The following RORB variants were observed in gnomAD, a reference collection of about 807,000 sequenced individuals.
RORB encodes the protein RAR related orphan receptor B, also known as nuclear receptor ROR-beta.
RORB carries 6 observed loss-of-function variants against 59.1 expected under a neutral mutation model. The ratio of observed to expected loss-of-function variants is 0.10; its 90% confidence interval spans 0.06 to 0.20. RORB has a LOEUF of 0.20. Among genes scored for constraint, RORB ranks in the 10% least tolerant of loss-of-function variants. The probability of loss-of-function intolerance (pLI) is 1.00; values close to 1 mark genes in which losing one functional copy is unlikely to be tolerated. For synonymous variants in RORB, 215 were observed against 204.5 expected (o/e 1.05, Z -0.44); for missense variants, 320 against 560.5 (o/e 0.57, Z 4.33).
chr9:74,530,658 T>C (rs914053485), intron 1 of RORB, among the ~76,000 whole-genome samples: 2 of 152,042 alleles, frequency 1.3e-5, no homozygotes, highest in Non-Finnish European at 2.9e-5. Context: ...TTCCACGCTG[T>C]CCTCAAGGTG....
chr9:74,515,833 TG>T (rs1826001949), intron 1 of RORB, among the ~76,000 whole-genome samples: 1 of 152,078 alleles, frequency 6.6e-6, no homozygotes, highest in Non-Finnish European at 1.5e-5. Flanking sequence ...AAGAACTCTG[TG>T]AGAAGTCACT....
rs772190881 is a variant in RORB, at chr9:74,642,507, A to G, written c.329A>G (p.Gln110Arg). The G allele has an allele frequency of 7.9e-5, 127 of 1,614,254 alleles. No individual in the cohort carries two copies. Among genetic ancestry groups the G allele is most frequent in the Middle Eastern group, 1.6e-4 (1 of 6,062 alleles). The change falls in exon 4 of 10, where the codon CAG (glutamine) becomes CGG (arginine). Residue 110 changes from glutamine (Q) to arginine (R), a missense_variant. Around this residue, in one of 4 missense-constraint regions of RORB, gnomAD observed 134 missense variants for 156.2 expected, o/e 0.86. Coordinates refer to ENST00000376896, the MANE Select transcript of RORB (RefSeq NM_006914.4). ...CAGCGGCTGCAGGAACAGCGGCAGC[A>G]GCAGAGTGGGGAGGCAGAAGCCCTT... Reference protein sequence around the residue: ...HQQRLQEQRQQQSGEAEALAR... With the variant: ...HQQRLQEQRQRQSGEAEALAR...
At chr9:74,631,817 T>C (rs1823623568) in intron 2 of RORB, among the ~76,000 whole-genome samples, 1 of 152,160 alleles carries the variant, frequency 6.6e-6, no homozygotes, top group South Asian at 2.1e-4. Flanking sequence ...TTAATGCAAT[T>C]TTTCAACTCA....
intron 1 of RORB, among the ~76,000 whole-genome samples, chr9:74,540,930 G>A (rs530671702): frequency 2.6e-5 from 4 of 152,046 alleles, no homozygotes; most frequent in Non-Finnish European, 5.9e-5. Context: ...TGTAGTGTTT[G>A]TATCGTGTTG....
chr9:74,581,971 G>T (rs1822731769), intron 1 of RORB, among the ~76,000 whole-genome samples: 1 of 152,132 alleles, frequency 6.6e-6, no homozygotes, highest in African/African-American at 2.4e-5. Context: ...TACTCATGAA[G>T]TGAAATGAAG....
rs1273838645 is a variant in RORB, at chr9:74,638,008, T to A, written c.235+3236T>A. 2.2e-4 allele frequency among the ~76,000 whole-genome samples: 34 copies of A among 152,070 alleles called. 1 individual carries two copies. Among genetic ancestry groups the A allele is most frequent in the Admixed American group, 2.2e-3 (34 of 15,258 alleles). ...AAATAATGAATAGGCTTGGGTAGATTGAATCAGACTTCTAATACAAAGCCT... is the reference window on the plus strand; with the variant it reads ...AAATAATGAATAGGCTTGGGTAGATAGAATCAGACTTCTAATACAAAGCCT... On this transcript the variant is annotated intron_variant, in intron 3 of 9. Transcript: ENST00000376896.
intron 5 of RORB, among the ~76,000 whole-genome samples, chr9:74,662,111 A>G (rs1824194657): frequency 6.6e-6 from 1 of 152,280 alleles, no homozygotes; most frequent in East Asian, 1.9e-4. Flanking sequence ...TTTTATATTA[A>G]TAGTATGTGA....
chr9:74,557,895 G>A (rs531735653), intron 1 of RORB, among the ~76,000 whole-genome samples: 8 of 152,064 alleles, frequency 5.3e-5, no homozygotes, highest in Admixed American at 2.0e-4. Flanking sequence ...GCTCTTATGA[G>A]GCACATTTAT....
chr9:74,603,505 C>T (rs766967064), intron 1 of RORB, among the ~76,000 whole-genome samples: 3 of 152,216 alleles, frequency 2.0e-5, no homozygotes, highest in African/African-American at 2.4e-5. Flanking sequence ...CTGGTGTTTC[C>T]CAAAGATTCA....
intron 9 of RORB, 89 bp from the exon 10 acceptor site, chr9:74,685,373 TC>T (rs1824623415): frequency 9.4e-7 from 1 of 1,062,796 alleles, no homozygotes; most frequent in South Asian, 2.5e-5. Context: ...CCTTTTACCT[TC>T]ATCTGGGGCC....
chr9:74,666,367 A>C (rs1824264712), intron 7 of RORB, among the ~76,000 whole-genome samples: 1 of 152,106 alleles, frequency 6.6e-6, no homozygotes, highest in Admixed American at 6.5e-5. Flanking sequence ...AGGCTGAGGC[A>C]GGAAGATTGC....
At chr9:74,531,233 A>T (rs1408681521) in intron 1 of RORB, among the ~76,000 whole-genome samples, 1 of 151,966 alleles carries the variant, frequency 6.6e-6, no homozygotes, top group East Asian at 1.9e-4. Flanking sequence ...GATTTCACTG[A>T]TTATTGTATC....
chr9:74,558,284 A>C (rs1437879626), intron 1 of RORB, among the ~76,000 whole-genome samples: 1 of 152,122 alleles, frequency 6.6e-6, no homozygotes, highest in Non-Finnish European at 1.5e-5. Context: ...TATTCAGTTG[A>C]GCTCGAGCAG....
In RORB at chr9:74,642,555, T is replaced by C. The variant is rs778563600; in HGVS notation, c.377T>C (p.Ile126Thr). 1.6e-5 allele frequency: 26 copies of C among 1,614,174 alleles called. No individual in the cohort carries two copies. The highest frequency in any genetic ancestry group is 1.7e-5 in the Non-Finnish European group (20 of 1,180,022). The change falls in exon 4 of 10, where the codon ATT becomes ACT. Residue 126 changes from isoleucine to threonine, a missense_variant. Ile to Thr is a moderately conservative substitution (Grantham distance 89, BLOSUM62 -1). Transcript: ENST00000376896. Reference protein sequence around the residue: ...EALARVYSSSISNGLSNLNNE... With the variant: ...EALARVYSSSTSNGLSNLNNE... The stretch of plus-strand genomic sequence containing the variant: ...CTTGCCAGGGTGTACAGCAGCAGCA[T>C]TAGCAACGGCCTGAGCAACCTGAAC...
chr9:74,634,886 A>C lies in RORB; in HGVS notation c.235+114A>C, dbSNP rs931876386. Reference sequence around the variant, plus strand: ...TGAGGGAATTGGGGATAAGAAGAAAAGAAAATCACTGTGCTGCTAGTGCAT... The same window carrying C: ...TGAGGGAATTGGGGATAAGAAGAAACGAAAATCACTGTGCTGCTAGTGCAT... On this transcript the variant is annotated intron_variant, in intron 3 of 9. Transcript: ENST00000376896. 3 of 958,672 alleles carry C rather than the reference A, an allele frequency of 3.1e-6. No homozygotes were observed. In the African/African-American group the frequency reaches 5.0e-5, roughly 16 times the overall value. The allele number at this position is 958,672 out of a possible 1,614,324, so 59.4% of individuals were successfully genotyped here.
At chr9:74,664,044 T>C (rs1824230658) in intron 6 of RORB, among the ~76,000 whole-genome samples, 1 of 152,174 alleles carries the variant, frequency 6.6e-6, no homozygotes, top group South Asian at 2.1e-4. Flanking sequence ...GGTAAGGTCC[T>C]AGAAAACATA....
intron 4 of RORB, among the ~76,000 whole-genome samples, chr9:74,653,262 C>T (rs1824024695): frequency 6.6e-6 from 1 of 152,098 alleles, no homozygotes; most frequent in African/African-American, 2.4e-5. Flanking sequence ...TTAAAACATG[C>T]CTTGGGCAAG....
chr9:74,597,090 C>T (rs1822980246), intron 1 of RORB, among the ~76,000 whole-genome samples: 1 of 152,184 alleles, frequency 6.6e-6, no homozygotes, highest in South Asian at 2.1e-4. Context: ...CTAGCTCAGT[C>T]GGTCTGAAAT....
intron 1 of RORB, among the ~76,000 whole-genome samples, chr9:74,577,641 A>G (rs181618476): frequency 3.9e-4 from 60 of 152,078 alleles, no homozygotes; most frequent in African/African-American, 1.4e-3. Flanking sequence ...TATGGATGCA[A>G]AGTGAAATGG....
Sources: gnomAD v4.1 joint callset for allele counts (sites outside exome capture counted in the v4.1 genomes callset) on GRCh38, gnomAD v4.1.1 for gene constraint, gnomAD v4.1.1 regional missense constraint, MANE v1.5 for transcripts, NCBI Gene and HGNC (gene_info 2026-07-23, HGNC 2026-07-21) for gene names.